The following SLC9A9 variants were observed in gnomAD, a reference collection of about 807,000 sequenced individuals.
SLC9A9 encodes the protein sodium/hydrogen exchanger 9.
In SLC9A9, 62 loss-of-function variants were observed where a neutral mutation model predicts 77.8. That is an observed-to-expected ratio of 0.80 (90% CI 0.65 to 0.98). The LOEUF is 0.98. SLC9A9 is among the 50% of genes least tolerant of loss of function. The pLI is 0.00. For missense variants in SLC9A9, 775 were observed against 774.9 expected, an observed-to-expected ratio of 1.00 and a Z score of 0.00; for synonymous variants, 320 against 283.5, an observed-to-expected ratio of 1.13 and a Z score of -1.29.
rs193186759 is a variant in SLC9A9, at chr3:143,814,541, G to T, written c.378+17478C>A. On this transcript the variant is annotated intron_variant, in intron 2 of 15. Coordinates refer to ENST00000316549, the MANE Select transcript of SLC9A9 (RefSeq NM_173653.4). The stretch of plus-strand genomic sequence containing the variant: ...AGGAGCTGCCACTCCTTCATGCAGG[G>T]CTGCCAGGTTTAGCAATCCAAACAC... Among the ~76,000 whole-genome samples, 206 of 152,270 alleles carry T rather than the reference G, an allele frequency of 1.4e-3. 5 individuals are homozygous for T. Among genetic ancestry groups the T allele is most frequent in the Non-Finnish European group, 3.2e-4 (22 of 68,024 alleles).
chr3:143,766,028 G>T (rs1346723355), intron 4 of SLC9A9, among the ~76,000 whole-genome samples: 1 of 152,168 alleles, frequency 6.6e-6, no homozygotes, highest in Non-Finnish European at 1.5e-5. Flanking sequence ...ACATGAATGA[G>T]ACCAACTGAT....
intron 12 of SLC9A9, among the ~76,000 whole-genome samples, chr3:143,412,588 T>C (rs2034115553): frequency 6.6e-6 from 1 of 152,192 alleles, no homozygotes; most frequent in Admixed American, 6.5e-5. Context: ...CATCTGGAAG[T>C]CCCATCACTT....
intron 6 of SLC9A9, among the ~76,000 whole-genome samples, chr3:143,580,349 A>G (rs536228974): frequency 7.6e-4 from 116 of 152,350 alleles, no homozygotes; most frequent in Non-Finnish European, 1.3e-3. Context: ...AAGTAATTCT[A>G]TTAACCTGTG....
intron 11 of SLC9A9, among the ~76,000 whole-genome samples, chr3:143,488,622 A>G (rs2035692384): frequency 6.6e-6 from 1 of 152,042 alleles, no homozygotes. Flanking sequence ...GTAATACACG[A>G]CATTAACAGC....
At chr3:143,518,797 T>G (rs1022415866) in intron 9 of SLC9A9, among the ~76,000 whole-genome samples, 1 of 152,256 alleles carries the variant, frequency 6.6e-6, no homozygotes, top group Non-Finnish European at 1.5e-5. Flanking sequence ...ATGGACATTT[T>G]GGTTGTGTCC....
At chr3:143,701,525 T>A (rs1239544509) in intron 4 of SLC9A9, among the ~76,000 whole-genome samples, 1 of 152,066 alleles carries the variant, frequency 6.6e-6, no homozygotes, top group Non-Finnish European at 1.5e-5. Flanking sequence ...CATGAAAGAA[T>A]GCATCGGAGT....
intron 12 of SLC9A9, among the ~76,000 whole-genome samples, chr3:143,439,819 G>A (rs1450875251): frequency 2.4e-5 from 3 of 123,818 alleles, no homozygotes; most frequent in African/African-American, 7.6e-5. Context: ...GGAAGGAGGT[G>A]GTTCAGTGGA....
chr3:143,574,736 T>C (rs1461810370), intron 7 of SLC9A9, among the ~76,000 whole-genome samples: 2 of 152,318 alleles, frequency 1.3e-5, no homozygotes, highest in Non-Finnish European at 2.9e-5. Context: ...GGAGAAGGTA[T>C]GTTATTTATA....
intron 4 of SLC9A9, among the ~76,000 whole-genome samples, chr3:143,765,778 C>T (rs947313145): frequency 7.2e-5 from 11 of 152,208 alleles, no homozygotes; most frequent in Admixed American, 6.5e-5. Context: ...CCCTTCCATC[C>T]TTTTGCCATG....
chr3:143,847,618 AG>A (rs1332693946), intron 1 of SLC9A9: 1 of 154,402 alleles, frequency 6.5e-6, no homozygotes, highest in Non-Finnish European at 1.4e-5. Context: ...TTTTATTATA[AG>A]AAAATAAGAC....
chr3:143,707,385 C>CAA (rs1553782913), intron 4 of SLC9A9, among the ~76,000 whole-genome samples: 2 of 151,854 alleles, frequency 1.3e-5, no homozygotes, highest in African/African-American at 4.8e-5. Flanking sequence ...CACACACACA[C>CAA]ACACACACAC....
chr3:143,475,300 A>G (rs1184805660), intron 11 of SLC9A9, among the ~76,000 whole-genome samples: 1 of 151,962 alleles, frequency 6.6e-6, no homozygotes, highest in African/African-American at 2.4e-5. Context: ...ACCATCGGAA[A>G]TGATCTTGTT....
chr3:143,815,549 A>ATTTTT lies in SLC9A9; in HGVS notation c.378+16469_378+16470insAAAAA, dbSNP rs758883023. ...AATGAAGGGCTTTTTGCTATTTTAA[A>ATTTTT]AAAAAAAAAAGGTTTAAAACCCTGA... On this transcript the variant is annotated intron_variant, in intron 2 of 15. Transcript: ENST00000316549. Among the ~76,000 whole-genome samples, 32 of 39,260 alleles carry ATTTTT rather than the reference A, an allele frequency of 8.2e-4. No homozygotes were observed. The East Asian group carries it at 0.02, about 24-fold the overall frequency. The allele number at this position is 39,260 out of a possible 152,430, so 25.8% of individuals were successfully genotyped here.
At chr3:143,672,475 T>G (rs2039173102) in intron 5 of SLC9A9, among the ~76,000 whole-genome samples, 1 of 152,204 alleles carries the variant, frequency 6.6e-6, no homozygotes, top group Non-Finnish European at 1.5e-5. Flanking sequence ...TAAAAACTTT[T>G]CTGATTATGC....
At chr3:143,536,988 T>G (rs897202239) in intron 9 of SLC9A9, among the ~76,000 whole-genome samples, 5 of 152,152 alleles carry the variant, frequency 3.3e-5, no homozygotes, top group Admixed American at 6.5e-5. Flanking sequence ...GGGGAGCCAC[T>G]GGCCAGCAAG....
Position 143,569,384 on chromosome 3 carries a change from T to C in SLC9A9, c.1000+4704A>G, listed in dbSNP as rs1364114997. ...ACACATACATGTATGTGCACATACA[T>C]AGACATTTTAAATAGGCAAAAGTTG... On this transcript the variant is annotated intron_variant, in intron 8 of 15. Coordinates refer to ENST00000316549, the MANE Select transcript of SLC9A9 (RefSeq NM_173653.4). Among the ~76,000 whole-genome samples the C allele has an allele frequency of 3.3e-5, 5 of 151,924 alleles. No individual in the cohort carries two copies. The East Asian group carries it at 7.7e-4, about 24-fold the overall frequency.
At chr3:143,648,903 C>T (rs1288352858) in intron 6 of SLC9A9, among the ~76,000 whole-genome samples, 3 of 152,168 alleles carry the variant, frequency 2.0e-5, no homozygotes, top group Admixed American at 6.5e-5. Context: ...AGCCATCTTG[C>T]AACCAGAAGA....
rs1184560318 is a variant in SLC9A9 at position 143,448,857 on chromosome 3, T to C, written c.1469+18180A>G. On this transcript the variant is annotated intron_variant, in intron 12 of 15. Coordinates refer to ENST00000316549, the MANE Select transcript of SLC9A9 (RefSeq NM_173653.4). ...TATATAATTATAATATATTATGTTA[T>C]ATAATATATTATATAATATGATATA... 2.7e-4 allele frequency among the ~76,000 whole-genome samples: 11 copies of C among 40,444 alleles called. 2 individuals carry two copies. Among genetic ancestry groups the C allele is most frequent in the African/African-American group, 2.2e-3 (11 of 4,986 alleles). The allele number at this position is 40,444 out of a possible 152,430, so 26.5% of individuals were successfully genotyped here. A position where few individuals can be genotyped will look rare whatever the true frequency, so the allele number is the denominator to read the frequency against.
chr3:143,511,724 T>C (rs2036118537), intron 9 of SLC9A9, among the ~76,000 whole-genome samples: 1 of 152,228 alleles, frequency 6.6e-6, no homozygotes, highest in South Asian at 2.1e-4. Context: ...TCAGCCTCTC[T>C]GTGAAGTGGC....
Sources: gnomAD v4.1 joint callset for allele counts (sites outside exome capture counted in the v4.1 genomes callset) on GRCh38, gnomAD v4.1.1 for gene constraint, MANE v1.5 for transcripts, NCBI Gene and HGNC (gene_info 2026-07-23, HGNC 2026-07-21) for gene names.